The following CENPU variants were observed in gnomAD, a reference collection of about 807,000 sequenced individuals.
The protein encoded by CENPU is centromere protein U.
Under a neutral mutation model 56.7 loss-of-function variants are expected in CENPU, and 46 were observed. The ratio of observed to expected loss-of-function variants is 0.81; its 90% CI spans 0.64 to 1.04. CENPU has a LOEUF of 1.04. Ranked by LOEUF, CENPU falls within the 50% of genes least tolerant of loss-of-function variation. CENPU has a pLI of 0.00. For missense variants in CENPU, 510 were observed against 490.1 expected, an observed-to-expected ratio of 1.04 and a Z score of -0.38; for synonymous variants, 166 against 163.0, an observed-to-expected ratio of 1.02 and a Z score of -0.14.
At position 184,722,025 on chromosome 4, in the gene CENPU, A is replaced by T. The variant is rs1001357783; in HGVS notation, c.320+2932T>A. On this transcript the variant is annotated intron_variant, in intron 4 of 12. Coordinates refer to ENST00000281453, the MANE Select transcript of CENPU (RefSeq NM_024629.4). ...CAAAACAAGTCTTAAAACATTTTTTAAAAACCGAAATATCAAGTATCTTCT... is the reference window on the plus strand; with the variant it reads ...CAAAACAAGTCTTAAAACATTTTTTTAAAACCGAAATATCAAGTATCTTCT... Among the ~76,000 whole-genome samples, 7 of 152,368 alleles carry T rather than the reference A, an allele frequency of 4.6e-5. 1 individual carries two copies. In the South Asian group the frequency reaches 1.5e-3, roughly 32 times the overall value.
At chr4:184,712,892 T>C in intron 7 of CENPU, 52 bp downstream of exon 7, 1 of 1,240,558 alleles carries the variant, frequency 8.1e-7, no homozygotes, top group African/African-American at 1.5e-5. Context: ...GGGTCTTATT[T>C]CTCTTATGAA....
Position 184,694,391 on chromosome 4 carries a change from T to C in CENPU, c.*897A>G. On this transcript the variant is annotated 3_prime_UTR_variant, in exon 13 of 13. Transcript: ENST00000281453. ...CCACGGTGAGATATCGGAGACAGCA[T>C]TCCTCCTGCATATTCACTTTAGTAT... The C allele has an allele frequency of 7.0e-7, 1 of 1,423,156 alleles. No homozygotes were observed. The highest frequency in any genetic ancestry group is 9.2e-7 in the Non-Finnish European group (1 of 1,089,374). The allele number at this position is 1,423,156 out of a possible 1,614,324, so 88.2% of individuals were successfully genotyped here.
intron 1 of CENPU, 89 bp from the exon 2 acceptor site, chr4:184,731,057 A>C: frequency 1.2e-6 from 1 of 807,916 alleles, no homozygotes; most frequent in South Asian, 2.0e-5. Context: ...GCGCATTTTT[A>C]CCAAAAAAAA....
At chr4:184,724,439 A>T (rs1761389553) in intron 4 of CENPU, among the ~76,000 whole-genome samples, 1 of 152,198 alleles carries the variant, frequency 6.6e-6, no homozygotes, top group Non-Finnish European at 1.5e-5. Context: ...GCATTATATA[A>T]CTTGCTCCCA....
chr4:184,713,411 T>C (rs976411929), intron 6 of CENPU, among the ~76,000 whole-genome samples: 3 of 152,144 alleles, frequency 2.0e-5, no homozygotes, highest in Admixed American at 2.0e-4. Context: ...AAAAAAACTT[T>C]AGCTACAATT....
At position 184,702,454 on chromosome 4, in the gene CENPU, T is replaced by A. The variant is rs775114040; in HGVS notation, c.798-13A>T. ...TTCTATTCTTTGTCTGTAGAGGAAT[T>A]AAAAAAAAGTCTAAGTACCATGATG... On this transcript the variant is annotated splice_polypyrimidine_tract_variant and intron_variant, in intron 8 of 12. Transcript: ENST00000281453. 7 of 1,585,768 alleles carry A rather than the reference T, an allele frequency of 4.4e-6. No individual in the cohort carries two copies. The Admixed American group carries it at 5.5e-5, about 12-fold the overall frequency.
intron 4 of CENPU, among the ~76,000 whole-genome samples, chr4:184,721,364 T>C (rs753161377): frequency 4.3e-5 from 6 of 138,980 alleles, no homozygotes; most frequent in Non-Finnish European, 7.7e-5. Context: ...AGAAAACAAA[T>C]AGTAAAATGG....
intron 8 of CENPU, among the ~76,000 whole-genome samples, chr4:184,702,718 CCT>C (rs1342766535): frequency 2.0e-5 from 3 of 152,188 alleles, no homozygotes; most frequent in Admixed American, 1.3e-4. Context: ...TCCTTGAATC[CCT>C]CTGTCTCTCT....
intron 5 of CENPU, among the ~76,000 whole-genome samples, 183 bp from the exon 6 acceptor site, chr4:184,716,816 A>G (rs1409050971): frequency 6.6e-6 from 1 of 152,248 alleles, no homozygotes; most frequent in Non-Finnish European, 1.5e-5. Context: ...CAAAGGTTAC[A>G]ATAATCACTC....
In CENPU at chr4:184,699,649, AACTC is replaced by A. The variant is rs1450085170; in HGVS notation, c.986+1167_986+1170del. On this transcript the variant is annotated intron_variant, in intron 11 of 12. Transcript: ENST00000281453. ...TTAGACAACTGCTTTCTCCCACTTA[AACTC>A]CTGTGGCAGTCTCTCTTTTTTTTTT... 4.7e-6 allele frequency: 6 copies of A among 1,272,388 alleles called. No homozygotes were observed. The African/African-American group carries it at 7.8e-5, about 16-fold the overall frequency. 78.8% of individuals were successfully genotyped at this position (1,272,388 alleles called of 1,614,324 possible).
intron 11 of CENPU, chr4:184,699,560 G>C: frequency 3.1e-6 from 4 of 1,288,562 alleles, no homozygotes; most frequent in Non-Finnish European, 4.0e-6. Flanking sequence ...ATTTTGGCCT[G>C]GGTCAGTGAA....
chr4:184,731,859 C>T (rs1761656955), intron 1 of CENPU, among the ~76,000 whole-genome samples: 1 of 140,140 alleles, frequency 7.1e-6, no homozygotes, highest in Non-Finnish European at 1.6e-5. Context: ...CAAGGACCTT[C>T]TGTATGCCCT....
chr4:184,695,034 G>C lies in CENPU; in HGVS notation c.*254C>G. 1.9e-6 allele frequency: 1 copy of C among 534,138 alleles called. No homozygotes were observed. Among genetic ancestry groups the C allele is most frequent in the Non-Finnish European group, 3.3e-6 (1 of 301,038 alleles). 33.1% of individuals were successfully genotyped at this position (534,138 alleles called of 1,614,324 possible). A position where few individuals can be genotyped will look rare whatever the true frequency, so the allele number is the denominator to read the frequency against. Reference sequence around the variant, plus strand: ...TACAAGTTTATTATAGCTCATACCTGGGACCGATTAAGGTGTCAACATTTT... The same window carrying C: ...TACAAGTTTATTATAGCTCATACCTCGGACCGATTAAGGTGTCAACATTTT... On this transcript the variant is annotated 3_prime_UTR_variant, in exon 13 of 13. Transcript: ENST00000281453.
chr4:184,733,685 G>A (rs896639866), intron 1 of CENPU, among the ~76,000 whole-genome samples: 5 of 152,218 alleles, frequency 3.3e-5, no homozygotes, highest in African/African-American at 1.2e-4. Context: ...GCAAACCGCA[G>A]GCAATACGTA....
At chr4:184,732,888 G>A (rs571104584) in intron 1 of CENPU, among the ~76,000 whole-genome samples, 2 of 151,416 alleles carry the variant, frequency 1.3e-5, no homozygotes, top group South Asian at 4.2e-4. Context: ...TGTAATCCCA[G>A]CTCCTCTGGA....
At position 184,716,410 on chromosome 4, in the gene CENPU, A is replaced by G. The variant is rs1215909316; in HGVS notation, c.605T>C (p.Ile202Thr). Residue 202 changes from isoleucine (I) to threonine (T), a missense_variant, in exon 6 of 13, where the codon ATA (isoleucine) becomes ACA (threonine). Physicochemically the swap from Ile to Thr is moderately conservative, Grantham distance 89. Coordinates refer to ENST00000281453, the MANE Select transcript of CENPU (RefSeq NM_024629.4). ...QPSVEKENLAIESQSKTQKKG... is the reference protein window; with the variant it reads ...QPSVEKENLATESQSKTQKKG... ...AGACGTTCTTACCGATTGACTTTCT[A>G]TTGCCAAGTTCTCTTTTTCAACAGA... 2 of 1,613,276 alleles carry G rather than the reference A, an allele frequency of 1.2e-6. No individual in the cohort carries two copies. The highest frequency in any genetic ancestry group is 1.7e-5 in the Admixed American group (1 of 59,910).
intron 6 of CENPU, among the ~76,000 whole-genome samples, chr4:184,714,293 A>G (rs1761018637): frequency 1.3e-5 from 2 of 152,362 alleles, no homozygotes; most frequent in Admixed American, 6.5e-5. Flanking sequence ...ATGGAAAAAG[A>G]TAACAAATGG....
chr4:184,727,363 G>A (rs1440533116), intron 3 of CENPU, among the ~76,000 whole-genome samples: 1 of 152,098 alleles, frequency 6.6e-6, no homozygotes, highest in African/African-American at 2.4e-5. Context: ...GGTGATGATG[G>A]TTGCACAACA....
intron 8 of CENPU, among the ~76,000 whole-genome samples, chr4:184,703,742 C>A (rs1231487825): frequency 1.3e-5 from 2 of 152,116 alleles, no homozygotes; most frequent in Non-Finnish European, 1.5e-5. Context: ...TTCACAATAG[C>A]CAAAAGGTGG....
Sources: gnomAD v4.1 joint callset for allele counts (sites outside exome capture counted in the v4.1 genomes callset) on GRCh38, gnomAD v4.1.1 for gene constraint, MANE v1.5 for transcripts, NCBI Gene and HGNC (gene_info 2026-07-23, HGNC 2026-07-21) for gene names.